The following SGCD variants were observed in gnomAD, a reference collection of about 807,000 sequenced individuals.
The protein encoded by SGCD is sarcoglycan delta.
A neutral mutation model predicts 36.6 loss-of-function variants in SGCD; 18 were observed. The observed-to-expected ratio is 0.49, with a 90% CI of 0.34 to 0.73. SGCD has a LOEUF of 0.73. SGCD is among the 30% of genes least tolerant of loss of function. The probability of loss-of-function intolerance (pLI) is 0.01; values close to 1 mark genes in which losing one functional copy is unlikely to be tolerated. For synonymous variants in SGCD, 133 were observed against 130.6 expected (o/e 1.02, Z -0.12); for missense variants, 387 against 346.7 (o/e 1.12, Z -0.92).
intron 6 of SGCD, among the ~76,000 whole-genome samples, chr5:156,596,463 G>T (rs1416286947): frequency 6.6e-6 from 1 of 152,170 alleles, no homozygotes; most frequent in African/African-American, 2.4e-5. Context: ...AAAGTACTGA[G>T]TTGGCTAAAA....
intron 1 of SGCD, among the ~76,000 whole-genome samples, chr5:156,038,849 T>A (rs1759563054): frequency 6.6e-6 from 1 of 152,158 alleles, no homozygotes; most frequent in African/African-American, 2.4e-5. Context: ...TTAATTTTTT[T>A]CCTGTCTAAC....
chr5:156,188,662 CCAA>C (rs1763818283), intron 3 of SGCD, among the ~76,000 whole-genome samples: 1 of 88,346 alleles, frequency 1.1e-5, no homozygotes, highest in South Asian at 3.2e-4. Context: ...TCTGACCACC[CCAA>C]CCGCCCCCCC....
chr5:156,575,329 C>T (rs1759891582), intron 4 of SGCD, among the ~76,000 whole-genome samples: 2 of 152,198 alleles, frequency 1.3e-5, no homozygotes, highest in African/African-American at 4.8e-5. Flanking sequence ...AAGTCTCTCT[C>T]CCTATCTATG....
At chr5:156,272,624 C>T (rs1766209996) in intron 3 of SGCD, among the ~76,000 whole-genome samples, 2 of 152,204 alleles carry the variant, frequency 1.3e-5, no homozygotes, top group Admixed American at 6.6e-5. Context: ...AAAGCTGAAA[C>T]ATGCCTTTTC....
intron 3 of SGCD, among the ~76,000 whole-genome samples, chr5:156,378,630 T>C (rs1770808606): frequency 6.6e-6 from 1 of 152,120 alleles, no homozygotes; most frequent in African/African-American, 2.4e-5. Context: ...ATAAGCCAAC[T>C]TTTGTTTTCA....
chr5:156,409,232 T>C (rs559120274), intron 3 of SGCD, among the ~76,000 whole-genome samples: 2 of 152,294 alleles, frequency 1.3e-5, no homozygotes, highest in East Asian at 1.9e-4. Flanking sequence ...TACAAACCCC[T>C]TTTTTCCTTC....
upstream of SGCD, among the ~76,000 whole-genome samples, chr5:155,868,991 G>A (rs1755578319): frequency 6.6e-6 from 1 of 152,168 alleles, no homozygotes; most frequent in Non-Finnish European, 1.5e-5. Flanking sequence ...TTCTAGGCTA[G>A]TGGTCTCAGT....
At chr5:156,330,922 C>A (rs548197434) in intron 2 of SGCD, among the ~76,000 whole-genome samples, 1 of 152,322 alleles carries the variant, frequency 6.6e-6, no homozygotes, top group African/African-American at 2.4e-5. Flanking sequence ...ATTTCCTAAT[C>A]TCTAAAATGG....
chr5:155,801,475 A>G, the SGCD span, among the ~76,000 whole-genome samples: 1 of 152,142 alleles, frequency 6.6e-6, no homozygotes, highest in Non-Finnish European at 1.5e-5. Flanking sequence ...TACTTTATAT[A>G]GGACTCTGAA....
At chr5:156,057,312 G>A (rs1041839295) in intron 1 of SGCD, among the ~76,000 whole-genome samples, 2 of 146,480 alleles carry the variant, frequency 1.4e-5, no homozygotes, top group Non-Finnish European at 3.1e-5. Flanking sequence ...TCATTCAGCA[G>A]TATTTATAAT....
At chr5:156,241,899 T>C (rs2127656534) in intron 3 of SGCD, among the ~76,000 whole-genome samples, 1 of 152,246 alleles carries the variant, frequency 6.6e-6, no homozygotes, top group African/African-American at 2.4e-5. Flanking sequence ...GCAAGGGAGC[T>C]ATCCATGCTT....
chr5:155,746,164 AC>A, the SGCD span, among the ~76,000 whole-genome samples: 149 of 152,330 alleles, frequency 9.8e-4, 1 homozygote, highest in African/African-American at 3.3e-3. Context: ...ATGGGATACA[AC>A]TGCATACACT....
At chr5:156,358,262 A>G (rs1479487292) in intron 3 of SGCD, among the ~76,000 whole-genome samples, 1 of 152,206 alleles carries the variant, frequency 6.6e-6, no homozygotes, top group Non-Finnish European at 1.5e-5. Flanking sequence ...TAATAAATGA[A>G]TGCTTTATAG....
At chr5:156,251,416 C>A (rs1446438300) in intron 3 of SGCD, among the ~76,000 whole-genome samples, 1 of 152,112 alleles carries the variant, frequency 6.6e-6, no homozygotes, top group East Asian at 1.9e-4. Flanking sequence ...CTTTCCAGAC[C>A]CTTTCCTGTG....
chr5:156,231,308 G>A (rs1010422774), intron 3 of SGCD, among the ~76,000 whole-genome samples: 1 of 152,200 alleles, frequency 6.6e-6, no homozygotes, highest in Admixed American at 6.5e-5. Context: ...GCCAAGCTGT[G>A]TGGATCACTT....
chr5:156,625,364 C>CAA (rs1561822811), intron 6 of SGCD, among the ~76,000 whole-genome samples: 1 of 152,042 alleles, frequency 6.6e-6, no homozygotes, highest in African/African-American at 2.4e-5. Context: ...AAAAAAAAGT[C>CAA]GTGATAAAAT....
chr5:156,549,681 A>G (rs1168537844), intron 4 of SGCD, among the ~76,000 whole-genome samples: 2 of 152,240 alleles, frequency 1.3e-5, no homozygotes, highest in Non-Finnish European at 2.9e-5. Flanking sequence ...CATGATCCTC[A>G]GCATTCAACT....
chr5:156,614,630 C>G (rs1007107662), intron 6 of SGCD, among the ~76,000 whole-genome samples: 1 of 152,088 alleles, frequency 6.6e-6, no homozygotes, highest in Non-Finnish European at 1.5e-5. Context: ...TTTTTATGTT[C>G]ACATTTCTGT....
chr5:155,994,133 C>A (rs1758491018), intron 1 of SGCD, among the ~76,000 whole-genome samples: 1 of 152,190 alleles, frequency 6.6e-6, no homozygotes, highest in Non-Finnish European at 1.5e-5. Flanking sequence ...ACACTAGAGG[C>A]ATGCCACAGA....
Sources: allele counts gnomAD v4.1 joint callset (sites outside exome capture counted in the v4.1 genomes callset), GRCh38; gene constraint gnomAD v4.1.1; transcripts MANE v1.5; gene names NCBI Gene and HGNC (gene_info 2026-07-23, HGNC 2026-07-21).